Variants in AAK1 observed in about 807,000 individuals in gnomAD.
AAK1 encodes the protein AP2 associated kinase 1.
AAK1 carries 37 observed loss-of-function variants against 116.0 expected under a neutral mutation model. That is an observed-to-expected ratio of 0.32 (90% CI 0.25 to 0.42). AAK1 has a LOEUF of 0.42. Among genes scored for constraint, AAK1 ranks in the 10% least tolerant of loss-of-function variants. The probability of loss-of-function intolerance (pLI) is 1.00; values close to 1 mark genes in which losing one functional copy is unlikely to be tolerated. For synonymous variants in AAK1, 458 were observed against 439.9 expected, an observed-to-expected ratio of 1.04 and a Z score of -0.51; for missense variants, 919 against 1,170.6, an observed-to-expected ratio of 0.79 and a Z score of 3.14.
At chr2:69,594,734 G>GT in intron 2 of AAK1, 2 of 737,248 alleles carry the variant, frequency 2.7e-6, no homozygotes, top group Non-Finnish European at 4.7e-6. Flanking sequence ...AAAAGAAAAG[G>GT]TAACACTTAG....
chr2:69,633,167 C>T (rs544539160), intron 2 of AAK1, among the ~76,000 whole-genome samples: 5 of 149,176 alleles, frequency 3.4e-5, no homozygotes, highest in African/African-American at 1.2e-4. Context: ...TGCAGTGAGC[C>T]GAGATCGCGC....
intron 2 of AAK1, among the ~76,000 whole-genome samples, chr2:69,620,920 T>C (rs1237574926): frequency 1.3e-5 from 2 of 152,338 alleles, no homozygotes; most frequent in East Asian, 3.9e-4. Flanking sequence ...TATCTTTCCT[T>C]AAAATGATTT....
intron 2 of AAK1, among the ~76,000 whole-genome samples, chr2:69,591,517 C>CTTTTTTTTTTTTTT (rs200675453): frequency 7.4e-6 from 1 of 135,098 alleles, no homozygotes; most frequent in African/African-American, 2.7e-5. Flanking sequence ...TTCTTTTTTT[C>CTTTTTTTTTTTTTT]TTTTTCTTTT....
chr2:69,600,862 G>A (rs1219727337), intron 2 of AAK1, among the ~76,000 whole-genome samples: 1 of 152,184 alleles, frequency 6.6e-6, no homozygotes, highest in Non-Finnish European at 1.5e-5. Context: ...CTTATTTTAA[G>A]AAACTGTCAC....
chr2:69,517,255 A>G (rs1345565656), intron 12 of AAK1, among the ~76,000 whole-genome samples: 3 of 152,162 alleles, frequency 2.0e-5, no homozygotes, highest in Non-Finnish European at 4.4e-5. Flanking sequence ...TACAAACAGT[A>G]CCTCAGGGTA....
chr2:69,483,351 C>T (rs757884524), intron 17 of AAK1, among the ~76,000 whole-genome samples: 1 of 152,100 alleles, frequency 6.6e-6, no homozygotes, highest in African/African-American at 2.4e-5. Flanking sequence ...GGTTTCCTTC[C>T]TTTGGCATAA....
At chr2:69,540,310 G>C (rs1443741854) in intron 5 of AAK1, among the ~76,000 whole-genome samples, 2 of 152,022 alleles carry the variant, frequency 1.3e-5, no homozygotes. Flanking sequence ...TAGTAGAAAT[G>C]GGGTTTCACC....
In AAK1 at chr2:69,470,993, T is replaced by C. The variant is rs1674656848; in HGVS notation, c.*4876A>G. 4.1e-6 allele frequency: 4 copies of C among 985,886 alleles called. No homozygotes were observed. Among genetic ancestry groups the C allele is most frequent in the Non-Finnish European group, 4.8e-6 (4 of 829,912 alleles). The allele number at this position is 985,886 out of a possible 1,614,324, so 61.1% of individuals were successfully genotyped here. ...AAAGTTCTTTACAGACTTTTTTTTA[T>C]ACAATACTTGTGCAGCAATGTTCAA... On this transcript the variant is annotated 3_prime_UTR_variant, in exon 22 of 22. Transcript: ENST00000409085.
chr2:69,627,221 G>A (rs550773426), intron 2 of AAK1, among the ~76,000 whole-genome samples: 5 of 151,674 alleles, frequency 3.3e-5, no homozygotes, highest in African/African-American at 1.2e-4. Flanking sequence ...CCCAGGAGAC[G>A]GAGGTTGCAG....
At chr2:69,538,977 C>A (rs1670591752) in intron 5 of AAK1, among the ~76,000 whole-genome samples, 1 of 152,210 alleles carries the variant, frequency 6.6e-6, no homozygotes, top group South Asian at 2.1e-4. Flanking sequence ...TCTGCTCTTT[C>A]CCTTGTCCTC....
chr2:69,544,561 A>G lies in AAK1; in HGVS notation c.283-17T>C. 3.2e-6 allele frequency: 5 copies of G among 1,565,608 alleles called. No homozygotes were observed. Among genetic ancestry groups the G allele is most frequent in the East Asian group, 2.2e-5 (1 of 44,616 alleles). On this transcript the variant is annotated splice_polypyrimidine_tract_variant and intron_variant, in intron 3 of 21. Transcript: ENST00000409085. ...AAGATCCCTCTGTGAACAAGAGAGGAGAAATATATTGTTAGTTTCAGATGC... is the reference window on the plus strand; with the variant it reads ...AAGATCCCTCTGTGAACAAGAGAGGGGAAATATATTGTTAGTTTCAGATGC...
At chr2:69,628,317 C>T (rs1295124662) in intron 2 of AAK1, among the ~76,000 whole-genome samples, 2 of 151,796 alleles carry the variant, frequency 1.3e-5, no homozygotes, top group Non-Finnish European at 2.9e-5. Context: ...ATCCCAGCTA[C>T]ATAGGTCTAA....
intron 3 of AAK1, among the ~76,000 whole-genome samples, chr2:69,556,538 T>C (rs1369382557): frequency 6.6e-6 from 1 of 152,174 alleles, no homozygotes; most frequent in Non-Finnish European, 1.5e-5. Context: ...AAGAGGCTCA[T>C]TGGAAAGTTA....
At chr2:69,531,632 G>A (rs1489914820) in intron 6 of AAK1, 2 of 991,408 alleles carry the variant, frequency 2.0e-6, no homozygotes, top group Non-Finnish European at 2.4e-6. Flanking sequence ...CTTATGAGCA[G>A]GAAGAAAGGA....
intron 17 of AAK1, among the ~76,000 whole-genome samples, chr2:69,488,741 T>G (rs1675401690): frequency 2.6e-5 from 4 of 152,110 alleles, no homozygotes; most frequent in Admixed American, 2.6e-4. Context: ...TAAGCAGAAC[T>G]GTTAGAATAA....
Position 69,493,158 on chromosome 2 carries a change from C to CAAAAAAAAAAAAAAAAAAAAAA in AAK1, c.2365+2826_2365+2827insTTTTTTTTTTTTTTTTTTTTTT, listed in dbSNP as rs574490585. Among the ~76,000 whole-genome samples the CAAAAAAAAAAAAAAAAAAAAAA allele has an allele frequency of 4.4e-3, 164 of 37,488 alleles. 12 individuals are homozygous for CAAAAAAAAAAAAAAAAAAAAAA. Among genetic ancestry groups the CAAAAAAAAAAAAAAAAAAAAAA allele is most frequent in the Non-Finnish European group, 5.8e-3 (88 of 15,260 alleles). The allele number at this position is 37,488 out of a possible 152,430, so 24.6% of individuals were successfully genotyped here. A position where few individuals can be genotyped will look rare whatever the true frequency, so the allele number is the denominator to read the frequency against. ...TGGGCGACAGAGCGAGACTCCGTCT[C>CAAAAAAAAAAAAAAAAAAAAAA]AAAAAAAAAAAAAAAAAAAGGATGC... On this transcript the variant is annotated intron_variant, in intron 17 of 21. Coordinates refer to ENST00000409085, the MANE Select transcript of AAK1 (RefSeq NM_014911.5).
intron 2 of AAK1, among the ~76,000 whole-genome samples, chr2:69,574,635 G>A (rs1013471694): frequency 6.6e-6 from 1 of 151,812 alleles, no homozygotes; most frequent in African/African-American, 2.4e-5. Flanking sequence ...AAAATAGTTT[G>A]TTTATACGAA....
At chr2:69,597,907 C>G (rs1480051782) in intron 2 of AAK1, 1 of 222,096 alleles carries the variant, frequency 4.5e-6, no homozygotes, top group African/African-American at 2.3e-5. Flanking sequence ...TTCTCATCAT[C>G]CCAGTAACTT....
intron 3 of AAK1, among the ~76,000 whole-genome samples, chr2:69,556,127 T>C (rs1430380616): frequency 1.3e-5 from 2 of 152,200 alleles, no homozygotes; most frequent in African/African-American, 2.4e-5. Context: ...TAACAAAATG[T>C]GCAGATTTTA....
Sources: allele counts gnomAD v4.1 joint callset (sites outside exome capture counted in the v4.1 genomes callset), GRCh38; gene constraint gnomAD v4.1.1; transcripts MANE v1.5; gene names NCBI Gene and HGNC (gene_info 2026-07-23, HGNC 2026-07-21).